Variants in KCNN2 observed in about 807,000 individuals in gnomAD.
The protein encoded by KCNN2 is small conductance calcium-activated potassium channel protein 2.
Under a neutral mutation model 55.5 loss-of-function variants are expected in KCNN2, and 24 were observed. That is an observed-to-expected ratio of 0.43 (90% CI 0.31 to 0.61). The LOEUF (loss-of-function observed/expected upper bound fraction) is 0.61. Among genes scored for constraint, KCNN2 ranks in the 20% least tolerant of loss-of-function variants. KCNN2 has a pLI of 0.08. For missense variants in KCNN2, 754 were observed against 853.6 expected (o/e 0.88, Z 1.45); for synonymous variants, 431 against 336.1 (o/e 1.28, Z -3.09).
intron 1 of KCNN2, among the ~76,000 whole-genome samples, chr5:114,068,968 C>A (rs1434016233): frequency 6.6e-6 from 1 of 152,162 alleles, no homozygotes; most frequent in Admixed American, 6.5e-5. Flanking sequence ...TGCCTGCCAA[C>A]CACGCCTGGC....
Position 114,404,487 on chromosome 5 carries a change from A to G in KCNN2, c.1268A>G (p.Tyr423Cys). The G allele has an allele frequency of 6.2e-7, 1 of 1,613,604 alleles. No homozygotes were observed. Among genetic ancestry groups the G allele is most frequent in the Non-Finnish European group, 8.5e-7 (1 of 1,179,982 alleles). Residue 423 changes from tyrosine to cysteine, a missense_variant, in exon 3 of 8, where the codon TAT (tyrosine) becomes TGT (cysteine). Around this residue, in one of 4 missense-constraint regions of KCNN2, gnomAD observed 123 missense variants for 204.9 expected, o/e 0.60. Transcript: ENST00000673685. Reference sequence around the variant, plus strand: ...GATGACTGGAGAATAGCCATGACTTATGAGCGTATTTTCTTCATCTGCTTG... The same window carrying G: ...GATGACTGGAGAATAGCCATGACTTGTGAGCGTATTTTCTTCATCTGCTTG... The part of the protein sequence containing the change: ...GADDWRIAMT[Y>C]ERIFFICLEI...
At chr5:114,125,768 T>C (rs568148936) in intron 1 of KCNN2, among the ~76,000 whole-genome samples, 1 of 152,320 alleles carries the variant, frequency 6.6e-6, no homozygotes, top group African/African-American at 2.4e-5. Flanking sequence ...TAGGTGGCTG[T>C]CTTCTCCCTG....
At chr5:114,211,993 T>G (rs1394440689) in intron 1 of KCNN2, among the ~76,000 whole-genome samples, 1 of 151,114 alleles carries the variant, frequency 6.6e-6, no homozygotes, top group Non-Finnish European at 1.5e-5. Context: ...ATTAAAATAT[T>G]ATATATTTTA....
chr5:114,147,401 C>T (rs774230332), intron 1 of KCNN2, among the ~76,000 whole-genome samples: 12 of 152,098 alleles, frequency 7.9e-5, no homozygotes, highest in Non-Finnish European at 1.5e-4. Flanking sequence ...TTTAGTGATA[C>T]GTTGACGTCC....
intron 2 of KCNN2, among the ~76,000 whole-genome samples, chr5:114,333,206 C>T (rs773058559): frequency 5.3e-5 from 8 of 152,104 alleles, no homozygotes; most frequent in Non-Finnish European, 1.2e-4. Flanking sequence ...GAAGATAAAA[C>T]ACGGGAGCCG....
intron 2 of KCNN2, among the ~76,000 whole-genome samples, chr5:114,303,620 T>C (rs1756211612): frequency 6.6e-6 from 1 of 152,166 alleles, no homozygotes; most frequent in African/African-American, 2.4e-5. Flanking sequence ...AATCTTATAA[T>C]CTTGTGCATA....
At chr5:114,069,568 C>T (rs1373341850) in intron 1 of KCNN2, among the ~76,000 whole-genome samples, 4 of 152,060 alleles carry the variant, frequency 2.6e-5, no homozygotes. Flanking sequence ...CTCTAAATTA[C>T]TGTGGGTTTC....
At chr5:114,205,113 T>G (rs1472738219) in intron 1 of KCNN2, among the ~76,000 whole-genome samples, 1 of 152,140 alleles carries the variant, frequency 6.6e-6, no homozygotes, top group Non-Finnish European at 1.5e-5. Flanking sequence ...AAGTCACTCC[T>G]GTGTTTTGGT....
intron 2 of KCNN2, among the ~76,000 whole-genome samples, chr5:114,267,714 A>G (rs1215603534): frequency 2.0e-5 from 3 of 152,216 alleles, no homozygotes; most frequent in Non-Finnish European, 4.4e-5. Context: ...AGGAAAATAT[A>G]ATAATCCCTG....
chr5:114,384,223 A>T (rs996739263), intron 2 of KCNN2, among the ~76,000 whole-genome samples: 3 of 152,262 alleles, frequency 2.0e-5, no homozygotes, highest in Non-Finnish European at 4.4e-5. Context: ...CACTTGGTTT[A>T]CTTTAATATA....
At chr5:114,219,735 T>C (rs1580631175) in intron 1 of KCNN2, among the ~76,000 whole-genome samples, 1 of 152,014 alleles carries the variant, frequency 6.6e-6, no homozygotes, top group Non-Finnish European at 1.5e-5. Context: ...GAGGGTGGGG[T>C]TTTGCCAGGG....
chr5:114,270,798 C>T (rs1755312419), intron 2 of KCNN2, among the ~76,000 whole-genome samples: 1 of 152,090 alleles, frequency 6.6e-6, no homozygotes, highest in African/African-American at 2.4e-5. Flanking sequence ...CACGGACCCT[C>T]GTGGTGAGTG....
intron 2 of KCNN2, among the ~76,000 whole-genome samples, chr5:114,340,667 CATGTGT>C (rs1476065645): frequency 1.5e-5 from 1 of 68,548 alleles, no homozygotes; most frequent in African/African-American, 3.9e-5. Flanking sequence ...TGTGTGTGTG[CATGTGT>C]GTGTGTGTGT....
chr5:114,159,153 G>A (rs533568378), intron 1 of KCNN2, among the ~76,000 whole-genome samples: 36 of 151,918 alleles, frequency 2.4e-4, no homozygotes, highest in South Asian at 4.1e-4. Flanking sequence ...CATAGATAGC[G>A]CTTATTATTT....
intron 2 of KCNN2, among the ~76,000 whole-genome samples, chr5:114,332,208 GA>G (rs1244505978): frequency 6.6e-6 from 1 of 152,192 alleles, no homozygotes; most frequent in Non-Finnish European, 1.5e-5. Flanking sequence ...GGGTTGAGTA[GA>G]AAAGGATGTG....
chr5:114,176,050 C>T lies in KCNN2; in HGVS notation c.-270-45430C>T, dbSNP rs1298478163. ...TTTTTGTTGTTGCCTGATAATTTCT[C>T]AAATCACTTTTCTTTGCTACTGTAG... On this transcript the variant is annotated intron_variant, in intron 1 of 10. Transcript: ENST00000512097. 3.3e-5 allele frequency among the ~76,000 whole-genome samples: 5 copies of T among 152,260 alleles called. No homozygotes were observed. In the East Asian group the frequency reaches 5.8e-4, roughly 18 times the overall value.
At chr5:114,093,440 A>G (rs1046598243) in intron 1 of KCNN2, among the ~76,000 whole-genome samples, 7 of 152,212 alleles carry the variant, frequency 4.6e-5, no homozygotes, top group African/African-American at 1.7e-4. Flanking sequence ...ATCCAGTTCC[A>G]AAGTTGTTTT....
intron 2 of KCNN2, among the ~76,000 whole-genome samples, chr5:114,229,700 A>T (rs1754316951): frequency 6.6e-6 from 1 of 152,134 alleles, no homozygotes; most frequent in South Asian, 2.1e-4. Context: ...AAGAAAACAA[A>T]GGAAACCTTA....
At chr5:114,233,114 G>A (rs1754397014) in intron 2 of KCNN2, among the ~76,000 whole-genome samples, 1 of 147,620 alleles carries the variant, frequency 6.8e-6, no homozygotes, top group Non-Finnish European at 1.5e-5. Flanking sequence ...TAGAGACGGG[G>A]TTTCACCGTT....
Sources: gnomAD v4.1 joint callset for allele counts (sites outside exome capture counted in the v4.1 genomes callset) on GRCh38, gnomAD v4.1.1 for gene constraint, gnomAD v4.1.1 regional missense constraint, MANE v1.5 for transcripts, NCBI Gene and HGNC (gene_info 2026-07-23, HGNC 2026-07-21) for gene names.